The following FHIT variants were observed in gnomAD, a reference collection of about 807,000 sequenced individuals.
FHIT encodes the protein bis(5'-adenosyl)-triphosphatase.
A neutral mutation model predicts 17.9 loss-of-function variants in FHIT; 19 were observed. That is an observed-to-expected ratio of 1.06 (90% confidence interval 0.74 to 1.56). The LOEUF (loss-of-function observed/expected upper bound fraction) is 1.56, where lower values mean the gene tolerates loss of function less well. Among genes scored for constraint, FHIT ranks in the 40% most tolerant of loss-of-function variants. The pLI, the probability that FHIT is intolerant of heterozygous loss-of-function variation, is 0.00. For missense variants in FHIT, 248 were observed against 189.2 expected (o/e 1.31, Z -1.82); for synonymous variants, 81 against 69.7 (o/e 1.16, Z -0.81).
At chr3:60,338,932 C>A (rs1710376338) in intron 5 of FHIT, among the ~76,000 whole-genome samples, 1 of 152,148 alleles carries the variant, frequency 6.6e-6, no homozygotes, top group African/African-American at 2.4e-5. Flanking sequence ...TGCATGACCT[C>A]AGTTTCCTTA....
chr3:61,025,395 T>A (rs764474278), intron 3 of FHIT, among the ~76,000 whole-genome samples: 2 of 152,226 alleles, frequency 1.3e-5, no homozygotes, highest in Non-Finnish European at 2.9e-5. Flanking sequence ...TATGATTTTG[T>A]TCTTCACGGG....
Position 60,949,394 on chromosome 3 carries a change from C to T in FHIT, c.-111+92653G>A, listed in dbSNP as rs549236023. Among the ~76,000 whole-genome samples, 15 of 152,258 alleles carry T rather than the reference C, an allele frequency of 9.9e-5. No individual in the cohort carries two copies. The South Asian group carries it at 2.5e-3, about 25-fold the overall frequency. ...TATGAGATGTACCACCTTCCCACTC[C>T]CATTTGACAACCTTTGTACAAAAAG... On this transcript the variant is annotated intron_variant, in intron 3 of 9. Coordinates refer to ENST00000492590, the MANE Select transcript of FHIT (RefSeq NM_002012.4).
chr3:60,423,517 T>C (rs1010677387), intron 5 of FHIT, among the ~76,000 whole-genome samples: 2 of 152,144 alleles, frequency 1.3e-5, no homozygotes, highest in African/African-American at 2.4e-5. Flanking sequence ...TGAGATATCT[T>C]AGACTTCATA....
At chr3:60,329,026 A>C (rs1709835571) in intron 5 of FHIT, among the ~76,000 whole-genome samples, 1 of 152,306 alleles carries the variant, frequency 6.6e-6, no homozygotes, top group African/African-American at 2.4e-5. Context: ...CTTTAACAAC[A>C]ACCCAGGAAA....
chr3:60,184,215 T>C (rs1702066877), intron 5 of FHIT, among the ~76,000 whole-genome samples: 1 of 152,070 alleles, frequency 6.6e-6, no homozygotes, highest in African/African-American at 2.4e-5. Context: ...AGACTCTTGG[T>C]GTGAGCTACC....
chr3:60,198,508 G>A (rs1425641804), intron 5 of FHIT, among the ~76,000 whole-genome samples: 1 of 151,876 alleles, frequency 6.6e-6, no homozygotes, highest in Non-Finnish European at 1.5e-5. Context: ...ACCTTCCCAG[G>A]TGAGATATGC....
At chr3:60,385,643 G>A (rs759455498) in intron 5 of FHIT, among the ~76,000 whole-genome samples, 5 of 152,104 alleles carry the variant, frequency 3.3e-5, no homozygotes, top group Non-Finnish European at 7.3e-5. Flanking sequence ...GCAGTTGCAC[G>A]ATCATGGCCT....
chr3:60,503,000 A>T (rs1402650606), intron 5 of FHIT, among the ~76,000 whole-genome samples: 1 of 152,186 alleles, frequency 6.6e-6, no homozygotes, highest in African/African-American at 2.4e-5. Context: ...GAAAATTGGA[A>T]TGCTTCTCAG....
At chr3:60,205,922 C>G (rs1576306700) in intron 5 of FHIT, among the ~76,000 whole-genome samples, 1 of 151,222 alleles carries the variant, frequency 6.6e-6, no homozygotes, top group Non-Finnish European at 1.5e-5. Context: ...TCCTGGCTAA[C>G]ACGGTGAAAC....
intron 2 of FHIT, among the ~76,000 whole-genome samples, chr3:61,060,422 T>C (rs1055167454): frequency 6.6e-6 from 1 of 152,190 alleles, no homozygotes; most frequent in Non-Finnish European, 1.5e-5. Flanking sequence ...TGAGCTACTA[T>C]GACGACAGTC....
At chr3:60,828,237 C>T (rs1702195150) in intron 3 of FHIT, among the ~76,000 whole-genome samples, 1 of 152,108 alleles carries the variant, frequency 6.6e-6, no homozygotes. Flanking sequence ...ACATTATCAT[C>T]ACATTTTTAA....
intron 2 of FHIT, among the ~76,000 whole-genome samples, chr3:61,106,732 C>T (rs11918956): frequency 0.043 from 6,616 of 152,200 alleles, 274 homozygotes; most frequent in African/African-American, 0.11. Context: ...CGCATGTCAG[C>T]TCACTGCAAC....
intron 2 of FHIT, among the ~76,000 whole-genome samples, chr3:61,138,220 C>T (rs2106985995): frequency 6.6e-6 from 1 of 152,342 alleles, no homozygotes. Flanking sequence ...GACCACACTT[C>T]TGAGAAAGAC....
At chr3:60,637,489 C>CTATATTA (rs1402124162) in intron 4 of FHIT, among the ~76,000 whole-genome samples, 1 of 152,064 alleles carries the variant, frequency 6.6e-6, no homozygotes, top group African/African-American at 2.4e-5. Context: ...ATGTCCAGTG[C>CTATATTA]TTACATTAGA....
At chr3:60,080,186 C>G (rs1053718514) in intron 5 of FHIT, among the ~76,000 whole-genome samples, 11 of 152,138 alleles carry the variant, frequency 7.2e-5, no homozygotes, top group African/African-American at 2.4e-4. Flanking sequence ...GAGTACCTAT[C>G]TGTTAGAAAT....
At chr3:60,290,861 C>A (rs1330541318) in intron 5 of FHIT, among the ~76,000 whole-genome samples, 1 of 152,058 alleles carries the variant, frequency 6.6e-6, no homozygotes, top group Non-Finnish European at 1.5e-5. Context: ...GGAGGGCTCA[C>A]AAAGGTGGCT....
intron 7 of FHIT, among the ~76,000 whole-genome samples, chr3:59,958,960 T>C (rs1385212338): frequency 2.6e-5 from 4 of 152,218 alleles, no homozygotes; most frequent in African/African-American, 9.6e-5. Flanking sequence ...ATTGAAAAGC[T>C]GTACCAGGGT....
intron 5 of FHIT, among the ~76,000 whole-genome samples, chr3:60,187,530 A>C (rs1419889704): frequency 6.6e-6 from 1 of 152,166 alleles, no homozygotes; most frequent in African/African-American, 2.4e-5. Context: ...TCTTTGTGTT[A>C]ATGAGTCTTC....
Position 61,102,482 on chromosome 3 carries a change from C to T in FHIT, c.-163-60383G>A, listed in dbSNP as rs556189133. 3.3e-5 allele frequency among the ~76,000 whole-genome samples: 5 copies of T among 152,216 alleles called. No individual in the cohort carries two copies. In the East Asian group the frequency reaches 7.7e-4, roughly 24 times the overall value. ...AGTATTTTATTGAGGATTTCTGCATCGATGTTCATTAGGGATATTGGTCTA... is the reference window on the plus strand; with the variant it reads ...AGTATTTTATTGAGGATTTCTGCATTGATGTTCATTAGGGATATTGGTCTA... On this transcript the variant is annotated intron_variant, in intron 2 of 9. Coordinates refer to ENST00000492590, the MANE Select transcript of FHIT (RefSeq NM_002012.4).
Sources: allele counts gnomAD v4.1 joint callset (sites outside exome capture counted in the v4.1 genomes callset), GRCh38; gene constraint gnomAD v4.1.1; transcripts MANE v1.5; gene names NCBI Gene and HGNC (gene_info 2026-07-23, HGNC 2026-07-21).